The following UNC13C variants were observed in gnomAD, a reference collection of about 807,000 sequenced individuals.
The protein encoded by UNC13C is protein unc-13 homolog C.
A neutral mutation model predicts 245.4 loss-of-function variants in UNC13C; 174 were observed. The ratio of observed to expected loss-of-function variants is 0.71; its 90% CI spans 0.63 to 0.80. The LOEUF (loss-of-function observed/expected upper bound fraction) is 0.80. Among genes scored for constraint, UNC13C ranks in the 30% least tolerant of loss-of-function variants. The probability of loss-of-function intolerance (pLI) is 0.00; values close to 1 mark genes in which losing one functional copy is unlikely to be tolerated. For missense variants in UNC13C, 2,829 were observed against 2,602.9 expected (o/e 1.09, Z -1.89); for synonymous variants, 992 against 895.1 (o/e 1.11, Z -1.93).
the UNC13C span, among the ~76,000 whole-genome samples, chr15:53,906,143 G>A: frequency 1.3e-5 from 2 of 152,060 alleles, no homozygotes; most frequent in Admixed American, 1.3e-4. Context: ...AGACAAGCCT[G>A]GGCAACATGA....
At chr15:53,952,607 A>G in the UNC13C span, among the ~76,000 whole-genome samples, 2 of 152,206 alleles carry the variant, frequency 1.3e-5, no homozygotes, top group African/African-American at 4.8e-5. Flanking sequence ...TGGACTTCGT[A>G]ATTTAATTGC....
At chr15:53,962,490 T>C in the UNC13C span, among the ~76,000 whole-genome samples, 5 of 152,172 alleles carry the variant, frequency 3.3e-5, no homozygotes, top group Non-Finnish European at 2.9e-5. Context: ...GTGTACTTAT[T>C]ATATTCCAGT....
chr15:54,065,759 T>C (rs1036644683), intron 2 of UNC13C, among the ~76,000 whole-genome samples: 2 of 152,164 alleles, frequency 1.3e-5, no homozygotes, highest in Non-Finnish European at 2.9e-5. Context: ...CCAATCTAAC[T>C]GCAAGTGAGA....
chr15:53,893,002 G>T, the UNC13C span, among the ~76,000 whole-genome samples: 3 of 152,170 alleles, frequency 2.0e-5, no homozygotes, highest in Admixed American at 2.0e-4. Context: ...CCCCATCTTT[G>T]TGGATTTATC....
intron 29 of UNC13C, among the ~76,000 whole-genome samples, chr15:54,560,440 A>AT (rs943878999): frequency 8.4e-4 from 125 of 148,296 alleles, no homozygotes; most frequent in East Asian, 4.5e-3. Context: ...TAGCAGTACT[A>AT]TTTTTTTTTT....
chr15:53,926,025 G>A, the UNC13C span, among the ~76,000 whole-genome samples: 1 of 152,170 alleles, frequency 6.6e-6, no homozygotes, highest in Non-Finnish European at 1.5e-5. Flanking sequence ...CTATCTGGGA[G>A]CTTACAAAGC....
At chr15:54,084,971 C>T (rs1899154421) in intron 2 of UNC13C, among the ~76,000 whole-genome samples, 1 of 152,056 alleles carries the variant, frequency 6.6e-6, no homozygotes, top group Admixed American at 6.5e-5. Context: ...TGATATGTGG[C>T]AGGTACATCC....
At chr15:53,994,642 C>G (rs2140965000) in intron 1 of UNC13C, among the ~76,000 whole-genome samples, 1 of 152,042 alleles carries the variant, frequency 6.6e-6, no homozygotes, top group East Asian at 1.9e-4. Context: ...CTTACTTTTA[C>G]TACAAAAGAA....
At chr15:54,485,642 A>C (rs1893365348) in intron 19 of UNC13C, among the ~76,000 whole-genome samples, 1 of 152,228 alleles carries the variant, frequency 6.6e-6, no homozygotes, top group South Asian at 2.1e-4. Flanking sequence ...TCTTAGAGGA[A>C]AATGTCTCAG....
At chr15:54,546,609 AT>A in intron 26 of UNC13C, 112 bp from the exon 27 acceptor site, 1 of 560,680 alleles carries the variant, frequency 1.8e-6, no homozygotes, top group Non-Finnish European at 2.8e-6. Context: ...GAGATTATAC[AT>A]TTTGTATAAT....
At chr15:54,284,932 A>G (rs1257203591) in intron 10 of UNC13C, among the ~76,000 whole-genome samples, 1 of 152,174 alleles carries the variant, frequency 6.6e-6, no homozygotes, top group Admixed American at 6.6e-5. Context: ...ATTATTAGAT[A>G]TAAACATATA....
intron 19 of UNC13C, among the ~76,000 whole-genome samples, chr15:54,445,103 A>T (rs962901899): frequency 3.3e-5 from 5 of 151,772 alleles, no homozygotes; most frequent in African/African-American, 4.8e-5. Context: ...GCTGAGAATG[A>T]TGGTTTCCAG....
intron 1 of UNC13C, among the ~76,000 whole-genome samples, chr15:53,994,834 T>C (rs951073200): frequency 6.6e-6 from 1 of 151,798 alleles, no homozygotes; most frequent in Non-Finnish European, 1.5e-5. Context: ...ATTTTTAAAA[T>C]AAAAAAACAA....
chr15:54,192,128 G>A (rs2034205710), intron 4 of UNC13C, among the ~76,000 whole-genome samples: 1 of 152,092 alleles, frequency 6.6e-6, no homozygotes. Context: ...CCTATGTCCT[G>A]AATGATACTG....
chr15:53,990,959 G>A (rs1894360980), intron 1 of UNC13C, among the ~76,000 whole-genome samples: 1 of 152,046 alleles, frequency 6.6e-6, no homozygotes, highest in African/African-American at 2.4e-5. Flanking sequence ...GAACGAAGTT[G>A]TAGGGATGGG....
intron 30 of UNC13C, among the ~76,000 whole-genome samples, chr15:54,620,719 G>A (rs950106780): frequency 3.0e-4 from 45 of 150,380 alleles, no homozygotes; most frequent in African/African-American, 1.0e-3. Flanking sequence ...CCTACAAGTC[G>A]AGCCTAGAGT....
the UNC13C span, among the ~76,000 whole-genome samples, chr15:53,915,153 C>T: frequency 6.6e-6 from 1 of 152,180 alleles, no homozygotes; most frequent in Non-Finnish European, 1.5e-5. Flanking sequence ...GCAAAACTGC[C>T]ACAGGGGCCT....
At chr15:54,124,006 C>A (rs977320166) in intron 2 of UNC13C, among the ~76,000 whole-genome samples, 2 of 152,128 alleles carry the variant, frequency 1.3e-5, no homozygotes, top group African/African-American at 4.8e-5. Context: ...GAGATCTATT[C>A]AAATTATTGC....
the UNC13C span, among the ~76,000 whole-genome samples, chr15:53,907,190 A>T: frequency 6.6e-6 from 1 of 152,172 alleles, no homozygotes; most frequent in Non-Finnish European, 1.5e-5. Context: ...GGGTGTATGA[A>T]CTACCAAACA....
Sources: gnomAD v4.1 joint callset for allele counts (sites outside exome capture counted in the v4.1 genomes callset) on GRCh38, gnomAD v4.1.1 for gene constraint, MANE v1.5 for transcripts, NCBI Gene and HGNC (gene_info 2026-07-23, HGNC 2026-07-21) for gene names.